The following TP63 variants were observed in gnomAD, a reference collection of about 807,000 sequenced individuals.
TP63 encodes the protein tumor protein p63, also known as tumor protein 63.
TP63 carries 17 observed loss-of-function variants against 82.8 expected under a neutral mutation model. That is an observed-to-expected ratio of 0.21 (90% CI 0.14 to 0.31). The LOEUF (loss-of-function observed/expected upper bound fraction) is 0.31, where lower values mean the gene tolerates loss of function less well. Ranked by LOEUF, TP63 falls within the 10% of genes least tolerant of loss-of-function variation. The pLI is 1.00. For missense variants in TP63, 648 were observed against 895.3 expected, an observed-to-expected ratio of 0.72 and a Z score of 3.52; for synonymous variants, 330 against 321.7, an observed-to-expected ratio of 1.03 and a Z score of -0.28.
intron 1 of TP63, among the ~76,000 whole-genome samples, chr3:189,732,359 A>G (rs557023447): frequency 1.3e-5 from 2 of 152,234 alleles, no homozygotes; most frequent in African/African-American, 2.4e-5. Context: ...AAAATGATCT[A>G]GAAGAAAATG....
rs1204395369 is a variant in TP63 at position 189,652,538 on chromosome 3, G to A, written c.62+20961G>A. 3.4e-5 allele frequency among the ~76,000 whole-genome samples: 5 copies of A among 146,792 alleles called. 1 individual carries two copies. The highest frequency in any genetic ancestry group is 2.0e-4 in the Admixed American group (3 of 14,918). On this transcript the variant is annotated intron_variant, in intron 1 of 13. Coordinates refer to ENST00000264731, the MANE Select transcript of TP63 (RefSeq NM_003722.5). ...TTGCCTTGTCTCAGATGAGACTTTGGGCTTGGACTTTTGGGTTAATGCTAG... is the reference window on the plus strand; with the variant it reads ...TTGCCTTGTCTCAGATGAGACTTTGAGCTTGGACTTTTGGGTTAATGCTAG...
chr3:189,797,028 G>T (rs1338283532), intron 3 of TP63, among the ~76,000 whole-genome samples: 1 of 152,040 alleles, frequency 6.6e-6, no homozygotes, highest in African/African-American at 2.4e-5. Flanking sequence ...TTGGTTCTAG[G>T]TGAGGGAATA....
intron 1 of TP63, among the ~76,000 whole-genome samples, chr3:189,663,679 C>T (rs187510208): frequency 3.3e-3 from 496 of 151,878 alleles, no homozygotes; most frequent in Non-Finnish European, 5.7e-3. Context: ...AGGCACATGC[C>T]GCTATTTTCA....
chr3:189,858,481 A>ATG (rs1378646733), intron 4 of TP63, among the ~76,000 whole-genome samples: 3 of 152,324 alleles, frequency 2.0e-5, no homozygotes, highest in African/African-American at 4.8e-5. Flanking sequence ...GAAAAACATA[A>ATG]TGAAATCCTG....
intron 3 of TP63, among the ~76,000 whole-genome samples, chr3:189,780,497 A>G (rs546550736): frequency 6.6e-6 from 1 of 150,624 alleles, no homozygotes; most frequent in African/African-American, 2.4e-5. Flanking sequence ...TCCTCCATAG[A>G]TTACTTATAG....
chr3:189,719,529 A>G (rs2108766730), intron 1 of TP63, among the ~76,000 whole-genome samples: 1 of 152,294 alleles, frequency 6.6e-6, no homozygotes, highest in South Asian at 2.1e-4. Context: ...ATAAAATGTT[A>G]TCTTCGAGTC....
upstream of TP63, among the ~76,000 whole-genome samples, chr3:189,627,150 T>G (rs1729337923): frequency 6.6e-6 from 1 of 152,150 alleles, no homozygotes; most frequent in Non-Finnish European, 1.5e-5. Flanking sequence ...GCTCTCTCCT[T>G]CAGAGTTATA....
chr3:189,732,094 A>G lies in TP63; in HGVS notation c.63-5646A>G, dbSNP rs532199732. Among the ~76,000 whole-genome samples the G allele has an allele frequency of 2.0e-5, 3 of 152,326 alleles. No individual in the cohort carries two copies. In the South Asian group the frequency reaches 6.2e-4, roughly 32 times the overall value. The stretch of plus-strand genomic sequence containing the variant: ...TAACTGGACTTTTGTTCAGAACCCT[A>G]ATATACCTTAGACAAGAAAAAGCTG... On this transcript the variant is annotated intron_variant, in intron 1 of 13. Transcript: ENST00000264731.
At chr3:189,603,963 C>A in the TP63 span, among the ~76,000 whole-genome samples, 3 of 151,920 alleles carry the variant, frequency 2.0e-5, no homozygotes, top group Admixed American at 2.0e-4. Flanking sequence ...AGCCAAGTTT[C>A]TATTGATAAT....
chr3:189,851,988 G>A (rs761606057), intron 4 of TP63, among the ~76,000 whole-genome samples: 5 of 152,118 alleles, frequency 3.3e-5, no homozygotes, highest in Non-Finnish European at 5.9e-5. Flanking sequence ...AACAGGGAAC[G>A]GGAGGAAAGG....
intron 1 of TP63, among the ~76,000 whole-genome samples, chr3:189,643,577 C>T (rs1245002264): frequency 6.6e-6 from 1 of 152,142 alleles, no homozygotes; most frequent in African/African-American, 2.4e-5. Flanking sequence ...TCCATGAACT[C>T]TTGACACAAT....
intron 1 of TP63, among the ~76,000 whole-genome samples, chr3:189,734,713 A>G (rs1301120206): frequency 1.3e-5 from 2 of 152,134 alleles, no homozygotes; most frequent in African/African-American, 2.4e-5. Flanking sequence ...ACTTCTATTT[A>G]TCTTCTATGA....
intron 4 of TP63, among the ~76,000 whole-genome samples, chr3:189,859,195 A>G (rs886480269): frequency 1.3e-5 from 2 of 152,242 alleles, no homozygotes; most frequent in Non-Finnish European, 2.9e-5. Context: ...TGATCATTAT[A>G]CAATATAGAC....
intron 3 of TP63, among the ~76,000 whole-genome samples, chr3:189,793,358 A>T (rs1725356877): frequency 6.6e-6 from 1 of 152,096 alleles, no homozygotes; most frequent in Admixed American, 6.6e-5. Context: ...GCATCAATGG[A>T]TGTCTACATT....
chr3:189,779,150 A>T (rs1013330682), intron 3 of TP63, among the ~76,000 whole-genome samples: 3 of 152,212 alleles, frequency 2.0e-5, no homozygotes, highest in Non-Finnish European at 4.4e-5. Context: ...AGCAACATAT[A>T]TATTAACACT....
At chr3:189,784,829 G>T (rs186849166) in intron 3 of TP63, among the ~76,000 whole-genome samples, 1 of 152,120 alleles carries the variant, frequency 6.6e-6, no homozygotes, top group Admixed American at 6.6e-5. Context: ...GCCTTCAGTA[G>T]CTTCCTCAAA....
intron 10 of TP63, among the ~76,000 whole-genome samples, chr3:189,884,502 A>G (rs141940900): frequency 2.9e-3 from 438 of 152,248 alleles, no homozygotes; most frequent in African/African-American, 9.9e-3. Context: ...ATATTTACCC[A>G]TATGTATATT....
intron 3 of TP63, chr3:189,789,678 A>G: frequency 6.9e-7 from 1 of 1,455,082 alleles, no homozygotes; most frequent in Admixed American, 3.2e-5. Flanking sequence ...AAAGAGAGAG[A>G]GGGACTTGAG....
At chr3:189,687,768 T>C (rs56324759) in intron 1 of TP63, among the ~76,000 whole-genome samples, 98 of 152,330 alleles carry the variant, frequency 6.4e-4, no homozygotes, top group African/African-American at 2.3e-3. Flanking sequence ...TTACCCTCAC[T>C]GTCTTCTCTT....
Sources: gnomAD v4.1 joint callset for allele counts (sites outside exome capture counted in the v4.1 genomes callset) on GRCh38, gnomAD v4.1.1 for gene constraint, MANE v1.5 for transcripts, NCBI Gene and HGNC (gene_info 2026-07-23, HGNC 2026-07-21) for gene names.